PHKA1: variants seen among roughly 807,000 people sequenced by gnomAD.
The protein encoded by PHKA1 is phosphorylase kinase regulatory subunit alpha 1.
In PHKA1, 60 loss-of-function variants were observed where a neutral mutation model predicts 110.2. The observed-to-expected ratio is 0.54, with a 90% CI of 0.44 to 0.68. The LOEUF is 0.68. Ranked by LOEUF, PHKA1 falls within the 30% of genes least tolerant of loss-of-function variation. The pLI, the probability that PHKA1 is intolerant of heterozygous loss-of-function variation, is 0.00. For synonymous variants in PHKA1, 316 were observed against 333.6 expected (o/e 0.95, Z 0.58); for missense variants, 801 against 942.5 (o/e 0.85, Z 1.97).
chrX:72,640,652 T>C (rs2053285543), intron 14 of PHKA1, among the ~76,000 whole-genome samples: 1 of 112,097 alleles, frequency 8.9e-6, no homozygotes, highest in Non-Finnish European at 1.9e-5. Flanking sequence ...GCGATTGTTA[T>C]CTTTTTCCTT....
intron 26 of PHKA1, among the ~76,000 whole-genome samples, 188 bp from the exon 27 acceptor site, chrX:72,602,461 A>C (rs2052670694): frequency 8.9e-6 from 1 of 111,793 alleles, no homozygotes; most frequent in Non-Finnish European, 1.9e-5. Context: ...TGTTAGTAGA[A>C]TCTCAGGTCC....
At position 72,583,742 on chromosome X, in the gene PHKA1, T is replaced by C. The variant is rs782226664; in HGVS notation, c.3297+507A>G. 1.6e-4 allele frequency among the ~76,000 whole-genome samples: 18 copies of C among 112,508 alleles called. No homozygotes were observed. The East Asian group carries it at 5.0e-3, about 31-fold the overall frequency. ...ATGTCTGTGGTTCATGGTAATATTT[T>C]CCAACCACGGTTATATATTAGAATC... On this transcript the variant is annotated intron_variant, in intron 30 of 31. Coordinates refer to ENST00000373542, the MANE Select transcript of PHKA1 (RefSeq NM_002637.4).
rs901761818 is a variant in PHKA1, at chrX:72,714,085, C to T, written c.-205G>A. ...CTCCGGCGGCCTCAGGGGCCCACCA[C>T]GCGCCAGCGCTAGCACTGGCTTCCC... On this transcript the variant is annotated 5_prime_UTR_variant, in exon 1 of 32. The change creates a new upstream start codon in the 5' untranslated region. Coordinates refer to ENST00000373542, the MANE Select transcript of PHKA1 (RefSeq NM_002637.4). The T allele has an allele frequency of 1.2e-4, 52 of 445,111 alleles. No individual in the cohort carries two copies. Among genetic ancestry groups the T allele is most frequent in the Admixed American group, 3.8e-4 (11 of 29,103 alleles). 36.7% of individuals were successfully genotyped at this position (445,111 alleles called of 1,213,427 possible).
chrX:72,593,188 T>C lies in PHKA1; in HGVS notation c.3159A>G (p.Gln1053=), dbSNP rs1556228290. Residue 1053 remains glutamine, a synonymous_variant, in exon 29 of 32, where the codon CAA becomes CAG. Transcript: ENST00000373542. ...CATCCAGCCTTCTTCGGCGTTGCCA[T>C]TGACCTTGACGACTATCTTTAGATG... ...QQSSKDSRQG[Q]WQRRRRLDGA... 2.5e-6 allele frequency: 3 copies of C among 1,194,635 alleles called. No individual in the cohort carries two copies. Among genetic ancestry groups the C allele is most frequent in the Admixed American group, 4.3e-5 (2 of 46,044 alleles).
At chrX:72,630,189 T>C (rs1481292103) in intron 16 of PHKA1, among the ~76,000 whole-genome samples, 1 of 108,853 alleles carries the variant, frequency 9.2e-6, no homozygotes, top group Non-Finnish European at 1.9e-5. Flanking sequence ...AAGCTGGAGA[T>C]TGCAGTGAGC....
At chrX:72,612,139 G>A (rs2052820129) in intron 21 of PHKA1, among the ~76,000 whole-genome samples, 1 of 112,042 alleles carries the variant, frequency 8.9e-6, no homozygotes, top group Non-Finnish European at 1.9e-5. Flanking sequence ...TATAATATCT[G>A]GCAATAAAAG....
At chrX:72,630,213 T>C (rs1030892800) in intron 16 of PHKA1, among the ~76,000 whole-genome samples, 4 of 103,646 alleles carry the variant, frequency 3.9e-5, no homozygotes, top group South Asian at 8.5e-4. Flanking sequence ...GATTGTGCCA[T>C]TGCACTCCAG....
intron 6 of PHKA1, among the ~76,000 whole-genome samples, chrX:72,669,130 A>G (rs1277871818): frequency 1.8e-5 from 2 of 111,357 alleles, no homozygotes; most frequent in Non-Finnish European, 3.8e-5. Flanking sequence ...GGCTGCTTCT[A>G]TGGGTTGCAG....
intron 3 of PHKA1, among the ~76,000 whole-genome samples, chrX:72,700,976 A>C (rs1285610518): frequency 8.9e-6 from 1 of 112,555 alleles, no homozygotes; most frequent in East Asian, 2.8e-4. Context: ...GACAGCTTTT[A>C]ACAATTTAGT....
chrX:72,635,967 A>C (rs781947343), intron 15 of PHKA1, among the ~76,000 whole-genome samples: 1 of 112,262 alleles, frequency 8.9e-6, no homozygotes, highest in East Asian at 2.8e-4. Flanking sequence ...TATTTTGTTT[A>C]TAAAGGACAC....
intron 31 of PHKA1, 132 bp downstream of exon 31, chrX:72,582,266 A>G (rs1203751247): frequency 2.1e-6 from 1 of 467,750 alleles, no homozygotes; most frequent in East Asian, 3.9e-5. Context: ...CAGAGCCGCT[A>G]CAAAGGGGGC....
chrX:72,699,543 C>T lies in PHKA1; in HGVS notation c.286-3667G>A, dbSNP rs180739706. Reference sequence around the variant, plus strand: ...AAAAAAAAAAAAAAAGAGGGATGTTCAGGACAAACCAGAAAGTCCAAATAT... The same window carrying T: ...AAAAAAAAAAAAAAAGAGGGATGTTTAGGACAAACCAGAAAGTCCAAATAT... On this transcript the variant is annotated intron_variant, in intron 3 of 31. Transcript: ENST00000373542. Among the ~76,000 whole-genome samples, 164 of 100,696 alleles carry T rather than the reference C, an allele frequency of 1.6e-3. 2 individuals carry two copies. In the East Asian group the frequency reaches 0.031, roughly 19 times the overall value. The allele number at this position is 100,696 out of a possible 115,157, so 87.4% of individuals were successfully genotyped here.
At chrX:72,629,942 C>T (rs1429671286) in intron 16 of PHKA1, among the ~76,000 whole-genome samples, 7 of 112,094 alleles carry the variant, frequency 6.2e-5, no homozygotes, top group African/African-American at 2.3e-4. Context: ...TACTTTTCCC[C>T]ATTTATAATA....
In PHKA1 at chrX:72,664,474, T is replaced by C. The variant is rs1427387197; in HGVS notation, c.864+1677A>G. On this transcript the variant is annotated intron_variant, in intron 8 of 31. Coordinates refer to ENST00000373542, the MANE Select transcript of PHKA1 (RefSeq NM_002637.4). ...AAAGGAGAGTTAGACTCCAGTACAA[T>C]AATAGTGGGAGACTTCAACATTCTA... is the stretch of plus-strand genomic sequence containing the variant. Among the ~76,000 whole-genome samples, 3 of 111,585 alleles carry C rather than the reference T, an allele frequency of 2.7e-5. No homozygotes were observed. The Admixed American group carries it at 2.9e-4, about 11-fold the overall frequency.
chrX:72,633,739 T>C (rs1197160085), intron 16 of PHKA1, among the ~76,000 whole-genome samples: 2 of 112,116 alleles, frequency 1.8e-5, no homozygotes, highest in African/African-American at 3.2e-5. Context: ...ACATCATTTT[T>C]ATCATATTAC....
At chrX:72,608,679 T>C (rs782113212) in intron 23 of PHKA1, among the ~76,000 whole-genome samples, 22 of 111,128 alleles carry the variant, frequency 2.0e-4, no homozygotes, top group African/African-American at 6.5e-4. Context: ...GGAAGGAGTA[T>C]GCAGACATCA....
At chrX:72,664,955 C>T (rs1301740819) in intron 8 of PHKA1, among the ~76,000 whole-genome samples, 4 of 110,975 alleles carry the variant, frequency 3.6e-5, no homozygotes, top group Non-Finnish European at 7.6e-5. Flanking sequence ...TAAATGCCTA[C>T]ATCAAAATAG....
At chrX:72,639,867 T>C (rs946054988) in intron 14 of PHKA1, among the ~76,000 whole-genome samples, 3 of 111,881 alleles carry the variant, frequency 2.7e-5, no homozygotes, top group Admixed American at 9.5e-5. Context: ...CACCAAAAAG[T>C]AAGATTAAAA....
intron 11 of PHKA1, among the ~76,000 whole-genome samples, 187 bp downstream of exon 11, chrX:72,653,248 T>C (rs1367071013): frequency 8.9e-6 from 1 of 112,072 alleles, no homozygotes; most frequent in Non-Finnish European, 1.9e-5. Flanking sequence ...AACAGTACCA[T>C]CATTGAGACT....
Sources: allele counts gnomAD v4.1 joint callset (sites outside exome capture counted in the v4.1 genomes callset), GRCh38; gene constraint gnomAD v4.1.1; transcripts MANE v1.5; gene names NCBI Gene and HGNC (gene_info 2026-07-23, HGNC 2026-07-21).